The following SYDE2 variants were observed in gnomAD, a reference collection of about 807,000 sequenced individuals.
SYDE2 encodes the protein synapse defective Rho GTPase homolog 2, also known as rho GTPase-activating protein SYDE2.
Under a neutral mutation model 91.5 loss-of-function variants are expected in SYDE2, and 76 were observed. The ratio of observed to expected loss-of-function variants is 0.83; its 90% CI spans 0.69 to 1.01. The LOEUF (loss-of-function observed/expected upper bound fraction) is 1.01. SYDE2 is among the 50% of genes least tolerant of loss of function. The probability of loss-of-function intolerance (pLI) is 0.00; values close to 1 mark genes in which losing one functional copy is unlikely to be tolerated. For synonymous variants in SYDE2, 513 were observed against 506.4 expected (o/e 1.01, Z -0.18); for missense variants, 1,364 against 1,367.7 (o/e 1.00, Z 0.04).
In SYDE2 at chr1:85,200,541, G is replaced by A. The variant is rs1658785609; in HGVS notation, c.456C>T (p.Cys152=). 4 of 1,611,648 alleles carry A rather than the reference G, an allele frequency of 2.5e-6. No homozygotes were observed. The East Asian group carries it at 6.7e-5, about 27-fold the overall frequency. ...GATCCCTGAAAGGGCTTCCCGAGGA[G>A]CAGCCGTGGTCCTTGCAGCCTGGAG... The part of the protein sequence containing the change: ...LQPPGCKDHG[C]SSGSPFRDPA... The change falls in exon 1 of 7, where the codon TGC becomes TGT. Residue 152 remains cysteine, a synonymous_variant. Coordinates refer to ENST00000341460, the MANE Select transcript of SYDE2 (RefSeq NM_032184.2).
chr1:85,188,883 A>G (rs1658254902), intron 2 of SYDE2, among the ~76,000 whole-genome samples: 1 of 152,184 alleles, frequency 6.6e-6, no homozygotes, highest in East Asian at 1.9e-4. Context: ...GATATAAGAC[A>G]AAGCACTGAC....
At chr1:85,154,962 AAAT>A (rs1656843077), downstream of SYDE2, among the ~76,000 whole-genome samples, 2 of 151,146 alleles carry the variant, frequency 1.3e-5, no homozygotes, top group South Asian at 4.2e-4. Context: ...AGGCACCTGT[AAAT>A]ATACTTCAGC....
chr1:85,197,592 G>A (rs1658635609), intron 1 of SYDE2, among the ~76,000 whole-genome samples: 1 of 152,150 alleles, frequency 6.6e-6, no homozygotes, highest in Non-Finnish European at 1.5e-5. Context: ...TTTCAAGTAA[G>A]TAAATATTTA....
chr1:85,156,175 T>G (rs1004160411), downstream of SYDE2, among the ~76,000 whole-genome samples: 1 of 152,134 alleles, frequency 6.6e-6, no homozygotes, highest in African/African-American at 2.4e-5. Flanking sequence ...CACTTGTACT[T>G]TTATTTTCTA....
chr1:85,183,286 G>C (rs2100674532), intron 2 of SYDE2, 86 bp from the exon 3 acceptor site: 1 of 1,247,834 alleles, frequency 8.0e-7, no homozygotes, highest in Middle Eastern at 2.5e-4. Flanking sequence ...AACTAAACAG[G>C]CTTTCACATA....
At chr1:85,183,273 A>T (rs1399092691) in intron 2 of SYDE2, 73 bp from the exon 3 acceptor site, 3 of 1,375,226 alleles carry the variant, frequency 2.2e-6, no homozygotes, top group African/African-American at 1.5e-5. Flanking sequence ...TTTATAAACC[A>T]TCAACTAAAC....
intron 6 of SYDE2, chr1:85,160,318 A>G: frequency 1.1e-6 from 1 of 918,416 alleles, no homozygotes; most frequent in Non-Finnish European, 1.3e-6. Flanking sequence ...CCAGACTTAA[A>G]GTGATATTCA....
At chr1:85,161,722 T>C (rs1306052082) in intron 6 of SYDE2, among the ~76,000 whole-genome samples, 1 of 117,554 alleles carries the variant, frequency 8.5e-6, no homozygotes, top group Admixed American at 9.2e-5. Context: ...TGAGACTCCA[T>C]CTCAAAAAAA....
Position 85,182,572 on chromosome 1 carries a change from C to T in SYDE2, c.2070G>A (p.Glu690=), listed in dbSNP as rs537713149. 1.9e-6 allele frequency: 3 copies of T among 1,613,850 alleles called. No homozygotes were observed. The highest frequency in any genetic ancestry group is 1.6e-4 in the Middle Eastern group (1 of 6,062). Residue 690 remains glutamate, a synonymous_variant, in exon 3 of 7, where the codon GAG becomes GAA. Coordinates refer to ENST00000341460, the MANE Select transcript of SYDE2 (RefSeq NM_032184.2). ...AATCTATCCGAGGTGGTTTTAAATCCTCAGCACCATAGAAATGTACACTCA... is the reference window on the plus strand; with the variant it reads ...AATCTATCCGAGGTGGTTTTAAATCTTCAGCACCATAGAAATGTACACTCA... ...GLMSVHFYGA[E]DLKPPRIDSK...
In SYDE2 at chr1:85,200,657, G is replaced by C. The variant is rs61753572; in HGVS notation, c.340C>G (p.Arg114Gly). The change falls in exon 1 of 7, where the codon CGG (arginine) becomes GGG (glycine). Residue 114 changes from arginine (R) to glycine (G), a missense_variant. By Grantham distance (125) the Arg-to-Gly change is moderately radical. Transcript: ENST00000341460. ...SDSWIRCGAHRDWDEPPPRGG... is the reference protein window; with the variant it reads ...SDSWIRCGAHGDWDEPPPRGG... ...CGTGGCGGGGGCTCGTCCCAGTCCC[G>C]GTGCGCGCCGCACCTGATCCAGCTG... is the stretch of plus-strand genomic sequence containing the variant. The C allele has an allele frequency of 2.0e-3, 3,089 of 1,538,874 alleles. 52 individuals carry two copies. The African/African-American group carries it at 0.037, about 18-fold the overall frequency.
chr1:85,169,315 G>A, intron 4 of SYDE2, 90 bp from the exon 5 acceptor site: 1 of 932,472 alleles, frequency 1.1e-6, no homozygotes, highest in Non-Finnish European at 1.6e-6. Context: ...AAGTATTATA[G>A]CCAACTTTCA....
At chr1:85,191,394 T>G (rs1031194029) in intron 1 of SYDE2, among the ~76,000 whole-genome samples, 2 of 151,884 alleles carry the variant, frequency 1.3e-5, no homozygotes, top group Non-Finnish European at 2.9e-5. Context: ...ACAGCTATTA[T>G]TTTTTTTGGC....
At chr1:85,179,459 CTATAGG>C (rs1344874546) in intron 3 of SYDE2, among the ~76,000 whole-genome samples, 1 of 152,026 alleles carries the variant, frequency 6.6e-6, no homozygotes, top group Non-Finnish European at 1.5e-5. Flanking sequence ...AGATGATAAG[CTATAGG>C]TATTAATTGA....
chr1:85,191,241 T>A (rs1055649188), intron 1 of SYDE2, among the ~76,000 whole-genome samples: 1 of 152,164 alleles, frequency 6.6e-6, no homozygotes, highest in African/African-American at 2.4e-5. Context: ...AATGTCAACA[T>A]AACATTGGCT....
At chr1:85,181,629 TTAAA>T (rs1373402838) in intron 3 of SYDE2, 1 of 152,572 alleles carries the variant, frequency 6.6e-6, no homozygotes, top group Non-Finnish European at 1.5e-5. Flanking sequence ...CTTAAGTTTA[TTAAA>T]TAAATATTTC....
chr1:85,170,335 A>G (rs1293626560), intron 4 of SYDE2, among the ~76,000 whole-genome samples: 1 of 152,066 alleles, frequency 6.6e-6, no homozygotes, highest in Admixed American at 6.6e-5. Context: ...GCTGGCCTCA[A>G]GTGATCCTCC....
downstream of SYDE2, chr1:85,153,300 T>C (rs1274867203): frequency 1.3e-5 from 2 of 152,152 alleles, no homozygotes; most frequent in Non-Finnish European, 2.9e-5. Context: ...GATTGAGGGA[T>C]GATGGTGGCT....
At chr1:85,186,547 G>A (rs1326053561) in intron 2 of SYDE2, among the ~76,000 whole-genome samples, 3 of 152,022 alleles carry the variant, frequency 2.0e-5, no homozygotes, top group African/African-American at 4.8e-5. Context: ...AAAAGAGCCC[G>A]CATCGCCAAG....
At chr1:85,165,865 ATTTTTTTTTT>A (rs529987571) in intron 5 of SYDE2, among the ~76,000 whole-genome samples, 49 of 94,130 alleles carry the variant, frequency 5.2e-4, no homozygotes, top group Middle Eastern at 5.8e-3. Flanking sequence ...AAAAACTTTA[ATTTTTTTTTT>A]TTTTTTTTTT....
Sources: gnomAD v4.1 joint callset for allele counts (sites outside exome capture counted in the v4.1 genomes callset) on GRCh38, gnomAD v4.1.1 for gene constraint, MANE v1.5 for transcripts, NCBI Gene and HGNC (gene_info 2026-07-23, HGNC 2026-07-21) for gene names.